The following PPP1R12B variants were observed in gnomAD, a reference collection of about 807,000 sequenced individuals.
The protein encoded by PPP1R12B is protein phosphatase 1 regulatory subunit 12B.
A neutral mutation model predicts 126.1 loss-of-function variants in PPP1R12B; 76 were observed. The observed-to-expected ratio is 0.60, with a 90% CI of 0.50 to 0.73. The LOEUF is 0.73. Among genes scored for constraint, PPP1R12B ranks in the 30% least tolerant of loss-of-function variants. The pLI is 0.00. For missense variants in PPP1R12B, 1,052 were observed against 1,205.1 expected (o/e 0.87, Z 1.88); for synonymous variants, 356 against 434.7 (o/e 0.82, Z 2.25).
chr1:202,514,056 TTTTTG>T lies in PPP1R12B; in HGVS notation c.2490+17259_2490+17263del, dbSNP rs552500908. 4.3e-3 allele frequency among the ~76,000 whole-genome samples: 654 copies of T among 152,222 alleles called. 2 individuals are homozygous for T. Among genetic ancestry groups the T allele is most frequent in the African/African-American group, 9.6e-3 (397 of 41,534 alleles). ...TTTCTGCAACCTTGCCAGCATCTGGTTTTTGTTTTGTTTTGTTTTGTTTTGTTTTT... is the reference window on the plus strand; with the variant it reads ...TTTCTGCAACCTTGCCAGCATCTGGTTTTTGTTTTGTTTTGTTTTGTTTTT... On this transcript the variant is annotated intron_variant, in intron 18 of 23. Transcript: ENST00000608999.
In PPP1R12B at chr1:202,426,899, CTG is replaced by C. The variant is rs1669597374; in HGVS notation, c.702-138_702-137del. 5.7e-6 allele frequency: 7 copies of C among 1,219,944 alleles called. No individual in the cohort carries two copies. In the East Asian group the frequency reaches 7.6e-5, roughly 13 times the overall value. 75.6% of individuals were successfully genotyped at this position (1,219,944 alleles called of 1,614,324 possible). On this transcript the variant is annotated intron_variant, in intron 4 of 23. Coordinates refer to ENST00000608999, the MANE Select transcript of PPP1R12B (RefSeq NM_002481.4). ...AAAGTAGTTAACTATGAAACCCAAA[CTG>C]TGCCTTAGAGGGCAGAAGTAATCAT...
intron 1 of PPP1R12B, among the ~76,000 whole-genome samples, chr1:202,353,340 T>C (rs1412572057): frequency 6.6e-6 from 1 of 152,178 alleles, no homozygotes; most frequent in Non-Finnish European, 1.5e-5. Context: ...TCAGGACCCA[T>C]GGCAACATAG....
At chr1:202,366,008 C>T (rs1310671913) in intron 1 of PPP1R12B, among the ~76,000 whole-genome samples, 1 of 151,468 alleles carries the variant, frequency 6.6e-6, no homozygotes, top group Non-Finnish European at 1.5e-5. Context: ...CGCCCCCCCA[C>T]AAAAAAACCT....
rs76193908 is a variant in PPP1R12B, at chr1:202,571,764, T to A, written c.2862+2567T>A. ...AGCCATCGCGTCTGGCCAGGACTGA[T>A]TTTTTTTTTAGTTAAAACATTCAGA... On this transcript the variant is annotated intron_variant, in intron 23 of 23. Transcript: ENST00000608999. Among the ~76,000 whole-genome samples, 7 of 147,960 alleles carry A rather than the reference T, an allele frequency of 4.7e-5. No individual in the cohort carries two copies. In the South Asian group the frequency reaches 1.5e-3, roughly 31 times the overall value.
intron 18 of PPP1R12B, among the ~76,000 whole-genome samples, chr1:202,544,964 C>T (rs697456): frequency 0.66 from 100,533 of 152,076 alleles, 33,357 homozygotes; most frequent in East Asian, 0.77. Flanking sequence ...TCAGTGTTGA[C>T]AATTATTTTT....
intron 18 of PPP1R12B, among the ~76,000 whole-genome samples, chr1:202,544,464 G>C (rs1428880040): frequency 6.6e-6 from 1 of 152,070 alleles, no homozygotes; most frequent in Non-Finnish European, 1.5e-5. Context: ...TTTCAATGCA[G>C]GGTATATTTA....
chr1:202,558,705 T>G lies in PPP1R12B; in HGVS notation c.2491-172T>G, dbSNP rs1687208564. The G allele has an allele frequency of 9.1e-6, 5 of 549,462 alleles. No individual in the cohort carries two copies. The South Asian group carries it at 1.3e-4, about 14-fold the overall frequency. 34.0% of individuals were successfully genotyped at this position (549,462 alleles called of 1,614,324 possible). A position where few individuals can be genotyped will look rare whatever the true frequency, so the allele number is the denominator to read the frequency against. On this transcript the variant is annotated intron_variant, in intron 18 of 23. Transcript: ENST00000608999. ...GAACTAGGGCTAAGTCACCTTTGTG[T>G]AGTCAATTTGATTGCTTTTCTTAAA...
chr1:202,587,092 A>G lies in PPP1R12B; in HGVS notation c.*6532A>G, dbSNP rs1222518357. ...GCTTATTTTGGACCATGAATCTGCC[A>G]GAGTGATATTTTCTGTTATTTCTCC... On this transcript the variant is annotated 3_prime_UTR_variant, in exon 24 of 24. Transcript: ENST00000608999. 3.9e-5 allele frequency: 6 copies of G among 152,240 alleles called. No individual in the cohort carries two copies. In the East Asian group the frequency reaches 5.8e-4, roughly 15 times the overall value. 9.4% of individuals were successfully genotyped at this position (152,240 alleles called of 1,614,324 possible). A position where few individuals can be genotyped will look rare whatever the true frequency, so the allele number is the denominator to read the frequency against.
chr1:202,510,526 G>A (rs892754357), intron 18 of PPP1R12B, among the ~76,000 whole-genome samples: 1 of 152,176 alleles, frequency 6.6e-6, no homozygotes, highest in Non-Finnish European at 1.5e-5. Context: ...TCATTAAAGA[G>A]TAGGATTAAC....
intron 1 of PPP1R12B, among the ~76,000 whole-genome samples, chr1:202,375,768 T>G (rs1202714595): frequency 1.3e-5 from 2 of 152,232 alleles, no homozygotes; most frequent in African/African-American, 4.8e-5. Flanking sequence ...TTGCCCAGGC[T>G]GGTCTCAAAT....
chr1:202,398,711 C>T (rs1456201814), intron 1 of PPP1R12B, among the ~76,000 whole-genome samples: 1 of 152,190 alleles, frequency 6.6e-6, no homozygotes. Flanking sequence ...GGGCACAACA[C>T]TCTTGGCAAG....
chr1:202,434,821 A>T, intron 9 of PPP1R12B, 53 bp downstream of exon 9: 4 of 1,602,638 alleles, frequency 2.5e-6, no homozygotes, highest in Non-Finnish European at 3.4e-6. Context: ...CTGCAGTAGC[A>T]CACATCTAGA....
At chr1:202,349,190 C>T in intron 1 of PPP1R12B, 48 bp downstream of exon 1, 1 of 1,597,230 alleles carries the variant, frequency 6.3e-7, no homozygotes, top group Non-Finnish European at 8.5e-7. Context: ...TACAGATGAG[C>T]CTTTGACCCT....
chr1:202,408,843 CT>C (rs35632865), intron 1 of PPP1R12B, among the ~76,000 whole-genome samples: 40,646 of 113,234 alleles, frequency 0.36, 6,216 homozygotes, highest in East Asian at 0.6. Context: ...TTATTTCTTT[CT>C]TTTTTTTTTT....
intron 13 of PPP1R12B, among the ~76,000 whole-genome samples, chr1:202,477,237 G>T (rs1212147977): frequency 6.6e-6 from 1 of 152,166 alleles, no homozygotes; most frequent in Non-Finnish European, 1.5e-5. Flanking sequence ...ACGTGTGCCA[G>T]GTTCTATTCT....
At chr1:202,435,042 C>T (rs575110745) in intron 9 of PPP1R12B, among the ~76,000 whole-genome samples, 7 of 152,056 alleles carry the variant, frequency 4.6e-5, no homozygotes, top group Non-Finnish European at 1.0e-4. Context: ...ACCACCTTCT[C>T]GCCATGTCCT....
Position 202,588,859 on chromosome 1 carries a change from A to ATAGATAGATAGAT in PPP1R12B, c.*8300_*8312dup, listed in dbSNP as rs1297772481. 1 of 145,688 alleles carries ATAGATAGATAGAT rather than the reference A, an allele frequency of 6.9e-6. No individual in the cohort carries two copies. Among genetic ancestry groups the ATAGATAGATAGAT allele is most frequent in the Non-Finnish European group, 1.5e-5 (1 of 67,622 alleles). The allele number at this position is 145,688 out of a possible 1,614,324, so 9.0% of individuals were successfully genotyped here. A position where few individuals can be genotyped will look rare whatever the true frequency, so the allele number is the denominator to read the frequency against. ...GATAGATAGATAGATAGATAGATAG[A>ATAGATAGATAGAT]TAGATAGATAGATATCAAGGTTCCA... On this transcript the variant is annotated 3_prime_UTR_variant, in exon 24 of 24. Coordinates refer to ENST00000608999, the MANE Select transcript of PPP1R12B (RefSeq NM_002481.4).
At chr1:202,360,668 C>T (rs1658004585) in intron 1 of PPP1R12B, among the ~76,000 whole-genome samples, 1 of 150,772 alleles carries the variant, frequency 6.6e-6, no homozygotes, top group African/African-American at 2.4e-5. Context: ...GAGATTGCAC[C>T]ATTGCACTCC....
chr1:202,496,074 A>G (rs1679521860), intron 17 of PPP1R12B, among the ~76,000 whole-genome samples: 1 of 152,254 alleles, frequency 6.6e-6, no homozygotes, highest in Admixed American at 6.5e-5. Context: ...CAGAGATTCT[A>G]ACTAAATATT....
Sources: gnomAD v4.1 joint callset for allele counts (sites outside exome capture counted in the v4.1 genomes callset) on GRCh38, gnomAD v4.1.1 for gene constraint, MANE v1.5 for transcripts, NCBI Gene and HGNC (gene_info 2026-07-23, HGNC 2026-07-21) for gene names.